MCHR2: variants seen among roughly 807,000 people sequenced by gnomAD.
The protein encoded by MCHR2 is melanin concentrating hormone receptor 2, also known as melanin-concentrating hormone receptor 2.
Under a neutral mutation model 24.8 loss-of-function variants are expected in MCHR2, and 15 were observed. That is an observed-to-expected ratio of 0.60 (90% confidence interval 0.40 to 0.93). The LOEUF (loss-of-function observed/expected upper bound fraction) is 0.93, where lower values mean the gene tolerates loss of function less well. Ranked by LOEUF, MCHR2 falls within the 40% of genes least tolerant of loss-of-function variation. The pLI, the probability that MCHR2 is intolerant of heterozygous loss-of-function variation, is 0.00. For missense variants in MCHR2, 386 were observed against 408.7 expected, an observed-to-expected ratio of 0.94 and a Z score of 0.48; for synonymous variants, 151 against 147.6, an observed-to-expected ratio of 1.02 and a Z score of -0.17.
chr6:99,980,050 C>A (rs1345493436), intron 1 of MCHR2, among the ~76,000 whole-genome samples: 2 of 152,154 alleles, frequency 1.3e-5, no homozygotes, highest in Non-Finnish European at 2.9e-5. Context: ...CTTGGTGACA[C>A]ATGCTTGTTA....
intron 5 of MCHR2, among the ~76,000 whole-genome samples, chr6:99,931,919 G>A (rs952832722): frequency 6.6e-5 from 10 of 152,236 alleles, no homozygotes; most frequent in East Asian, 1.9e-4. Flanking sequence ...GAAATCACCC[G>A]TCTTCTGCGT....
intron 1 of MCHR2, among the ~76,000 whole-genome samples, chr6:99,973,896 C>T (rs1184443438): frequency 1.3e-5 from 2 of 152,220 alleles, no homozygotes; most frequent in Non-Finnish European, 2.9e-5. Flanking sequence ...CCCCCACTCT[C>T]TTCTGGCTTG....
At chr6:99,921,745 T>G (rs957930335) in intron 5 of MCHR2, among the ~76,000 whole-genome samples, 1 of 152,160 alleles carries the variant, frequency 6.6e-6, no homozygotes, top group Admixed American at 6.6e-5. Flanking sequence ...TAATACCCAT[T>G]AACCATCCTC....
chr6:99,965,079 G>C (rs1402502289), intron 1 of MCHR2, among the ~76,000 whole-genome samples: 1 of 152,146 alleles, frequency 6.6e-6, no homozygotes, highest in Non-Finnish European at 1.5e-5. Context: ...GAAGGACCCT[G>C]ATGAGCCAAC....
At chr6:99,927,108 C>T (rs1232148077) in intron 5 of MCHR2, among the ~76,000 whole-genome samples, 9 of 152,182 alleles carry the variant, frequency 5.9e-5, no homozygotes, top group Admixed American at 3.3e-4. Flanking sequence ...TTCCCCATTG[C>T]TTGTTTTTCT....
intron 3 of MCHR2, among the ~76,000 whole-genome samples, chr6:99,947,246 G>A (rs985411730): frequency 6.6e-6 from 1 of 152,142 alleles, no homozygotes; most frequent in South Asian, 2.1e-4. Flanking sequence ...TTGCTTCATG[G>A]TTGTATAATA....
intron 1 of MCHR2, among the ~76,000 whole-genome samples, chr6:99,973,515 C>A (rs1332581892): frequency 6.6e-6 from 1 of 152,160 alleles, no homozygotes; most frequent in Non-Finnish European, 1.5e-5. Context: ...GACTCTTTAT[C>A]CAATTTGCCA....
At chr6:99,967,020 A>G (rs1775307310) in intron 1 of MCHR2, among the ~76,000 whole-genome samples, 1 of 152,160 alleles carries the variant, frequency 6.6e-6, no homozygotes, top group South Asian at 2.1e-4. Flanking sequence ...TAAAGAAAAA[A>G]GTACTTTTTT....
chr6:99,950,477 G>A (rs999913302), intron 2 of MCHR2, among the ~76,000 whole-genome samples: 3 of 151,964 alleles, frequency 2.0e-5, no homozygotes, highest in African/African-American at 4.8e-5. Context: ...TATGGTTAAC[G>A]TGGTCATATC....
intron 2 of MCHR2, among the ~76,000 whole-genome samples, chr6:99,950,103 C>T (rs1445490141): frequency 1.3e-5 from 2 of 151,958 alleles, no homozygotes; most frequent in Non-Finnish European, 1.5e-5. Flanking sequence ...ATTGTGGGAA[C>T]AGTGCAGGCC....
At chr6:99,984,693 T>TA (rs1775739480) in intron 1 of MCHR2, among the ~76,000 whole-genome samples, 1 of 152,028 alleles carries the variant, frequency 6.6e-6, no homozygotes, top group Admixed American at 6.6e-5. Context: ...TAATGAAGGT[T>TA]ACATATGTCA....
At chr6:99,980,217 A>G (rs1297932887) in intron 1 of MCHR2, among the ~76,000 whole-genome samples, 2 of 152,244 alleles carry the variant, frequency 1.3e-5, no homozygotes, top group Non-Finnish European at 2.9e-5. Flanking sequence ...TCAGGTACAC[A>G]TATAAATTTT....
At chr6:99,973,616 G>T (rs965248579) in intron 1 of MCHR2, among the ~76,000 whole-genome samples, 1 of 152,152 alleles carries the variant, frequency 6.6e-6, no homozygotes, top group Admixed American at 6.5e-5. Flanking sequence ...ATGTTAGCTG[G>T]TTATTTTGCT....
intron 5 of MCHR2, among the ~76,000 whole-genome samples, chr6:99,927,477 G>A (rs373382734): frequency 2.1e-4 from 32 of 152,170 alleles, no homozygotes; most frequent in Non-Finnish European, 5.9e-5. Context: ...AGCATGGAAT[G>A]TTCTTCCATT....
Position 99,943,048 on chromosome 6 carries a change from A to T in MCHR2, c.488T>A (p.Ile163Asn), listed in dbSNP as rs140977308. The change falls in exon 4 of 6, where the codon ATC becomes AAC. Residue 163 changes from isoleucine (I) to asparagine (N), a missense_variant. By Grantham distance (149) the Ile-to-Asn change is moderately radical. Coordinates refer to ENST00000281806, the MANE Select transcript of MCHR2 (RefSeq NM_001040179.2). ...INLGLWAASF[I>N]LALPVWVYSK... ...GTAGACCCAGACAGGCAATGCCAGG[A>T]TAAAGGAAGCTGCCCAAAGGCCCAA... 247 of 1,613,188 alleles carry T rather than the reference A, an allele frequency of 1.5e-4. No homozygotes were observed. The highest frequency in any genetic ancestry group is 2.1e-4 in the Non-Finnish European group (244 of 1,179,460).
chr6:99,925,696 C>T (rs948577860), intron 5 of MCHR2, among the ~76,000 whole-genome samples: 1 of 151,920 alleles, frequency 6.6e-6, no homozygotes, highest in African/African-American at 2.4e-5. Context: ...AAACTCTACA[C>T]CTTAACTTTG....
chr6:99,982,367 G>A (rs189783717), intron 1 of MCHR2, among the ~76,000 whole-genome samples: 1 of 146,942 alleles, frequency 6.8e-6, no homozygotes, highest in Non-Finnish European at 1.5e-5. Flanking sequence ...AGTGGCTCAT[G>A]CCTGTAATCC....
intron 2 of MCHR2, among the ~76,000 whole-genome samples, chr6:99,948,551 C>T (rs528383757): frequency 1.3e-5 from 2 of 152,130 alleles, no homozygotes; most frequent in Non-Finnish European, 2.9e-5. Context: ...TTGACAGCAA[C>T]TTTATGACAG....
In MCHR2 at chr6:99,920,592, G is replaced by A; in HGVS notation, c.*348C>T. ...GAAACTGTTACAGTGAGGCCACAGTGTGGAGGGCAAGGTCAGGTTCCTTGG... is the reference window on the plus strand; with the variant it reads ...GAAACTGTTACAGTGAGGCCACAGTATGGAGGGCAAGGTCAGGTTCCTTGG... On this transcript the variant is annotated 3_prime_UTR_variant, in exon 6 of 6. Coordinates refer to ENST00000281806, the MANE Select transcript of MCHR2 (RefSeq NM_001040179.2). 4.2e-6 allele frequency: 1 copy of A among 239,576 alleles called. No homozygotes were observed. Among genetic ancestry groups the A allele is most frequent in the Non-Finnish European group, 8.3e-6 (1 of 121,168 alleles). The allele number at this position is 239,576 out of a possible 1,614,324, so 14.8% of individuals were successfully genotyped here.
Sources: gnomAD v4.1 joint callset for allele counts (sites outside exome capture counted in the v4.1 genomes callset) on GRCh38, gnomAD v4.1.1 for gene constraint, MANE v1.5 for transcripts, NCBI Gene and HGNC (gene_info 2026-07-23, HGNC 2026-07-21) for gene names.